SFPQ: variants seen among roughly 807,000 people sequenced by gnomAD.
SFPQ encodes splicing factor, proline- and glutamine-rich.
In SFPQ, 11 loss-of-function variants were observed where a neutral mutation model predicts 72.9. The observed-to-expected ratio is 0.15, with a 90% CI of 0.09 to 0.25. The LOEUF (loss-of-function observed/expected upper bound fraction) is 0.25, where lower values mean the gene tolerates loss of function less well. SFPQ is among the 10% of genes least tolerant of loss of function. The pLI is 1.00. For missense variants in SFPQ, 847 were observed against 993.3 expected, an observed-to-expected ratio of 0.85 and a Z score of 1.98; for synonymous variants, 506 against 367.3, an observed-to-expected ratio of 1.38 and a Z score of -4.32.
chr1:35,182,265 CA>C (rs1420219812), downstream of SFPQ: 107 of 985,172 alleles, frequency 1.1e-4, no homozygotes, highest in Non-Finnish European at 1.2e-4. Flanking sequence ...ATAATTCAAC[CA>C]AACTGTAATG....
downstream of SFPQ, chr1:35,179,463 T>C (rs1455871905): frequency 9.5e-7 from 1 of 1,056,008 alleles, no homozygotes; most frequent in Admixed American, 5.4e-5. Flanking sequence ...AACCCAAGAC[T>C]GTTCTCATTA....
chr1:35,179,266 G>A, downstream of SFPQ: 1 of 1,060,578 alleles, frequency 9.4e-7, no homozygotes, highest in Non-Finnish European at 1.1e-6. Flanking sequence ...CCCCCATTAA[G>A]GTTAAAAGTC....
chr1:35,180,492 C>T (rs1160629500), downstream of SFPQ: 7 of 1,050,930 alleles, frequency 6.7e-6, no homozygotes, highest in East Asian at 2.2e-4. Flanking sequence ...CAATGTTCCA[C>T]ACCACCTTCC....
intron 9 of SFPQ, among the ~76,000 whole-genome samples, chr1:35,185,532 T>C (rs1235389248): frequency 6.6e-6 from 1 of 152,104 alleles, no homozygotes; most frequent in African/African-American, 2.4e-5. Context: ...AATAGAAACA[T>C]ATGTGCCTAA....
chr1:35,181,034 T>A, downstream of SFPQ: 1 of 1,065,020 alleles, frequency 9.4e-7, no homozygotes, highest in Non-Finnish European at 1.1e-6. Context: ...AAGTGTTAGG[T>A]GCTGCACTGT....
downstream of SFPQ, chr1:35,179,864 T>C: frequency 4.7e-6 from 5 of 1,054,010 alleles, no homozygotes; most frequent in Non-Finnish European, 5.7e-6. Flanking sequence ...TGGCCACCGA[T>C]TTAATGGATT....
At chr1:35,178,833 TCCC>T (rs1019136312), downstream of SFPQ, 8 of 1,045,802 alleles carry the variant, frequency 7.6e-6, no homozygotes, top group South Asian at 2.8e-4. Flanking sequence ...TTTGCATTCT[TCCC>T]CCCATTCTCC....
At chr1:35,177,261 G>C (rs1639284526) in intron 5 of SFPQ, 1 of 152,082 alleles carries the variant, frequency 6.6e-6, no homozygotes, top group Non-Finnish European at 1.5e-5. Flanking sequence ...TGTTATTTTT[G>C]TACCACCCAA....
intron 1 of SFPQ, among the ~76,000 whole-genome samples, 166 bp from the exon 2 acceptor site, chr1:35,191,695 T>G (rs557763412): frequency 8.8e-4 from 134 of 152,236 alleles, no homozygotes; most frequent in African/African-American, 3.1e-3. Flanking sequence ...ATCTTAACAT[T>G]GAAAAAGGAG....
At chr1:35,176,657 CAGG>C (rs775700746) in intron 5 of SFPQ, among the ~76,000 whole-genome samples, 10 of 149,660 alleles carry the variant, frequency 6.7e-5, no homozygotes, top group Non-Finnish European at 1.0e-4. Flanking sequence ...ATCACAGGGT[CAGG>C]AGATCAAGAC....
Position 35,189,362 on chromosome 1 carries a change from CGAG to C in SFPQ, c.1433_1435del (p.Pro478del), listed in dbSNP as rs778276500. The C allele has an allele frequency of 1.9e-6, 3 of 1,613,776 alleles. No individual in the cohort carries two copies. The highest frequency in any genetic ancestry group is 2.5e-6 in the Non-Finnish European group (3 of 1,179,888). The stretch of plus-strand genomic sequence containing the variant: ...CTCAAACGTGCCATGCTGGGCAAAA[CGAG>C]GAGGGGTTTCTCTCTCCCTAACAAT... On this transcript the variant is annotated inframe_deletion, in exon 5 of 10. Coordinates refer to ENST00000357214, the MANE Select transcript of SFPQ (RefSeq NM_005066.3).
downstream of SFPQ, chr1:35,178,852 G>A (rs1639352001): frequency 9.6e-7 from 1 of 1,044,578 alleles, no homozygotes; most frequent in South Asian, 4.6e-5. Context: ...TCTCCACATT[G>A]TCCTATCTTA....
At chr1:35,182,907 A>G, downstream of SFPQ, 6 of 1,045,844 alleles carry the variant, frequency 5.7e-6, no homozygotes, top group Non-Finnish European at 6.9e-6. Flanking sequence ...GGTTCAATGA[A>G]GTTGACAATT....
At chr1:35,178,845 C>A (rs763653306), downstream of SFPQ, 74 of 1,051,760 alleles carry the variant, frequency 7.0e-5, no homozygotes, top group Non-Finnish European at 8.4e-5. Flanking sequence ...CCCCCATTCT[C>A]CACATTGTCC....
At chr1:35,188,297 G>A (rs531685882) in intron 6 of SFPQ, among the ~76,000 whole-genome samples, 1 of 152,318 alleles carries the variant, frequency 6.6e-6, no homozygotes, top group South Asian at 2.1e-4. Context: ...TCGATTTTAA[G>A]TGTTAAACCA....
downstream of SFPQ, chr1:35,182,821 C>T (rs946506185): frequency 7.6e-6 from 8 of 1,049,938 alleles, no homozygotes; most frequent in African/African-American, 1.7e-5. Flanking sequence ...ACTGGGAAAT[C>T]AGGCTCCCAT....
downstream of SFPQ, chr1:35,181,235 G>T: frequency 9.4e-7 from 1 of 1,065,478 alleles, no homozygotes; most frequent in African/African-American, 1.6e-5. Context: ...TCACAGTTAC[G>T]CACTGCAGAA....
intron 9 of SFPQ, among the ~76,000 whole-genome samples, chr1:35,184,889 A>T (rs140234539): frequency 6.6e-6 from 1 of 152,216 alleles, no homozygotes; most frequent in African/African-American, 2.4e-5. Context: ...TCCATTCCAA[A>T]ATGAGTTCTA....
chr1:35,184,105 A>G lies in SFPQ; in HGVS notation c.*351T>C. 1 of 1,118,958 alleles carries G rather than the reference A, an allele frequency of 8.9e-7. No homozygotes were observed. Among genetic ancestry groups the G allele is most frequent in the South Asian group, 3.2e-5 (1 of 31,126 alleles). 69.3% of individuals were successfully genotyped at this position (1,118,958 alleles called of 1,614,324 possible). ...ATATGCATAGAAGCATGAATGGCAAAGTTGAAGATCAATATTATAACTATT... is the reference window on the plus strand; with the variant it reads ...ATATGCATAGAAGCATGAATGGCAAGGTTGAAGATCAATATTATAACTATT... On this transcript the variant is annotated 3_prime_UTR_variant, in exon 10 of 10. Transcript: ENST00000357214.
Sources: gnomAD v4.1 joint callset for allele counts (sites outside exome capture counted in the v4.1 genomes callset) on GRCh38, gnomAD v4.1.1 for gene constraint, MANE v1.5 for transcripts, NCBI Gene and HGNC (gene_info 2026-07-23, HGNC 2026-07-21) for gene names.